The following TENM2 variants were observed in gnomAD, a reference collection of about 807,000 sequenced individuals.
TENM2 encodes teneurin-2.
A neutral mutation model predicts 245.2 loss-of-function variants in TENM2; 52 were observed. The observed-to-expected ratio is 0.21, with a 90% CI of 0.17 to 0.27. The LOEUF is 0.27. Among genes scored for constraint, TENM2 ranks in the 10% least tolerant of loss-of-function variants. The probability of loss-of-function intolerance (pLI) is 1.00; values close to 1 mark genes in which losing one functional copy is unlikely to be tolerated. For synonymous variants in TENM2, 1,363 were observed against 1,438.9 expected, an observed-to-expected ratio of 0.95 and a Z score of 1.19; for missense variants, 3,046 against 3,666.8, an observed-to-expected ratio of 0.83 and a Z score of 4.37.
At chr5:167,655,552 C>T (rs1054693662) in intron 2 of TENM2, among the ~76,000 whole-genome samples, 13 of 152,208 alleles carry the variant, frequency 8.5e-5, no homozygotes, top group African/African-American at 3.1e-4. Context: ...CAATTGCCAA[C>T]TTGTGTTGAA....
the TENM2 span, among the ~76,000 whole-genome samples, chr5:167,031,721 C>T: frequency 1.4e-4 from 22 of 152,178 alleles, no homozygotes; most frequent in African/African-American, 5.1e-4. Flanking sequence ...TGCGCTACCA[C>T]GCCCGGCTAA....
chr5:168,194,537 T>C (rs1761218066), intron 14 of TENM2, among the ~76,000 whole-genome samples: 1 of 152,148 alleles, frequency 6.6e-6, no homozygotes, highest in East Asian at 1.9e-4. Context: ...CAGAATCCAA[T>C]ATATTTCTAG....
chr5:168,199,873 G>A (rs1318801022), exon 17 of TENM2: 2 of 1,613,600 alleles, frequency 1.2e-6, no homozygotes, highest in Non-Finnish European at 1.7e-6. Context: ...GGTTCTTCAT[G>A]AAGAAATCGA....
intron 2 of TENM2, among the ~76,000 whole-genome samples, chr5:167,712,976 G>A (rs778770281): frequency 6.6e-6 from 1 of 152,134 alleles, no homozygotes; most frequent in Non-Finnish European, 1.5e-5. Context: ...CCAAGACAGA[G>A]CCCAGACAAA....
At chr5:168,178,481 TC>T (rs1300227181) in intron 13 of TENM2, among the ~76,000 whole-genome samples, 7 of 151,782 alleles carry the variant, frequency 4.6e-5, no homozygotes, top group Admixed American at 3.9e-4. Flanking sequence ...AGGATAGAAA[TC>T]CCCCAGGTAT....
the TENM2 span, among the ~76,000 whole-genome samples, chr5:167,006,086 A>C: frequency 6.6e-6 from 1 of 152,072 alleles, no homozygotes; most frequent in Non-Finnish European, 1.5e-5. Context: ...TAATCCCAAA[A>C]CGCCTGCAGT....
intron 2 of TENM2, among the ~76,000 whole-genome samples, chr5:167,789,438 G>C (rs2094930180): frequency 1.3e-5 from 2 of 152,196 alleles, no homozygotes; most frequent in African/African-American, 4.8e-5. Context: ...TGAGGAGCCA[G>C]AGGTAATCCT....
the TENM2 span, among the ~76,000 whole-genome samples, chr5:167,174,513 G>T: frequency 2.0e-5 from 3 of 152,220 alleles, no homozygotes; most frequent in Admixed American, 1.3e-4. Context: ...TGTACCCAAT[G>T]TAAGTAGTAT....
At chr5:168,142,893 C>CT (rs1755680236) in intron 12 of TENM2, among the ~76,000 whole-genome samples, 3 of 152,232 alleles carry the variant, frequency 2.0e-5, no homozygotes, top group South Asian at 4.1e-4. Flanking sequence ...TGGCTTGAGA[C>CT]TCCCCTGTGT....
At chr5:167,227,640 C>T in the TENM2 span, among the ~76,000 whole-genome samples, 12 of 152,076 alleles carry the variant, frequency 7.9e-5, no homozygotes, top group South Asian at 6.2e-4. Flanking sequence ...CTCTGATGGG[C>T]GTTTCTTTAT....
At chr5:167,899,126 G>A (rs1010504512) in intron 3 of TENM2, among the ~76,000 whole-genome samples, 1 of 152,114 alleles carries the variant, frequency 6.6e-6, no homozygotes, top group Non-Finnish European at 1.5e-5. Context: ...TTCCATTACT[G>A]AAAGAAGAGC....
the TENM2 span, among the ~76,000 whole-genome samples, chr5:167,134,129 CAT>C: frequency 6.6e-6 from 1 of 152,016 alleles, no homozygotes; most frequent in Non-Finnish European, 1.5e-5. Flanking sequence ...TTTTAAATAA[CAT>C]GTTTCAAAAG....
At chr5:167,388,134 C>A (rs1253013376) in intron 2 of TENM2, among the ~76,000 whole-genome samples, 1 of 152,032 alleles carries the variant, frequency 6.6e-6, no homozygotes, top group South Asian at 2.1e-4. Context: ...TGCTGTGAAT[C>A]TGTCTGGTCC....
At chr5:167,809,998 G>T (rs559094492) in intron 2 of TENM2, among the ~76,000 whole-genome samples, 1 of 152,206 alleles carries the variant, frequency 6.6e-6, no homozygotes, top group East Asian at 1.9e-4. Flanking sequence ...TTGCTCTGCC[G>T]TCTGGTTGGA....
intron 2 of TENM2, among the ~76,000 whole-genome samples, chr5:167,523,558 G>A (rs1025104382): frequency 1.3e-5 from 2 of 152,022 alleles, no homozygotes; most frequent in Non-Finnish European, 2.9e-5. Context: ...AAAATCCCTT[G>A]ATATTTGGTG....
At chr5:167,786,242 T>A (rs1029624289) in intron 2 of TENM2, among the ~76,000 whole-genome samples, 3 of 152,190 alleles carry the variant, frequency 2.0e-5, no homozygotes, top group African/African-American at 4.8e-5. Context: ...ATTCTCTCTC[T>A]CACAAATGGC....
the TENM2 span, among the ~76,000 whole-genome samples, chr5:166,996,429 A>G: frequency 6.6e-6 from 1 of 152,224 alleles, no homozygotes; most frequent in Non-Finnish European, 1.5e-5. Context: ...ATCCATAAAT[A>G]AAGTTTACTG....
chr5:167,694,241 G>T (rs1757618445), intron 2 of TENM2, among the ~76,000 whole-genome samples: 1 of 152,228 alleles, frequency 6.6e-6, no homozygotes, highest in East Asian at 1.9e-4. Context: ...GTAAGAGAGG[G>T]CTGGTTCTCA....
chr5:168,137,898 G>A (rs1459016341), intron 12 of TENM2, among the ~76,000 whole-genome samples: 2 of 152,126 alleles, frequency 1.3e-5, no homozygotes, highest in Non-Finnish European at 2.9e-5. Flanking sequence ...ACTCCCTGGA[G>A]GTCTGATACA....
Sources: gnomAD v4.1 joint callset for allele counts (sites outside exome capture counted in the v4.1 genomes callset) on GRCh38, gnomAD v4.1.1 for gene constraint, MANE v1.5 for transcripts, NCBI Gene and HGNC (gene_info 2026-07-23, HGNC 2026-07-21) for gene names.